The following ZNF547 variants were observed in gnomAD, a reference collection of about 807,000 sequenced individuals.
The protein encoded by ZNF547 is zinc finger protein 547.
In ZNF547, 4 loss-of-function variants were observed where a neutral mutation model predicts 7.7. That is an observed-to-expected ratio of 0.52 (90% CI 0.26 to 1.20). The LOEUF (loss-of-function observed/expected upper bound fraction) is 1.20, where lower values mean the gene tolerates loss of function less well. Among genes scored for constraint, ZNF547 ranks in the 50% most tolerant of loss-of-function variants. The pLI, the probability that ZNF547 is intolerant of heterozygous loss-of-function variation, is 0.14. For missense variants in ZNF547, 449 were observed against 485.8 expected (o/e 0.92, Z 0.71); for synonymous variants, 166 against 166.2 (o/e 1.00, Z 0.01).
rs781280345 is a variant in ZNF547, at chr19:57,377,898, A to G, written c.922A>G (p.Arg308Gly). 5.6e-6 allele frequency: 9 copies of G among 1,614,154 alleles called. No individual in the cohort carries two copies. Among genetic ancestry groups the G allele is most frequent in the Admixed American group, 1.7e-5 (1 of 60,022 alleles). The change falls in exon 4 of 4, where the codon AGG becomes GGG. Residue 308 changes from arginine (R) to glycine (G), a missense_variant. Coordinates refer to ENST00000282282, the MANE Select transcript of ZNF547 (RefSeq NM_173631.4). ...TGAATGTGGGAAATTCTTTATGGAA[A>G]GGTCTACACTCAGTAGACATCAGAG... ...CSECGKFFME[R>G]STLSRHQRVH...
At chr19:57,365,659 C>T (rs543934699) in intron 1 of ZNF547, among the ~76,000 whole-genome samples, 3 of 151,840 alleles carry the variant, frequency 2.0e-5, no homozygotes, top group African/African-American at 7.2e-5. Context: ...GCTCCCACCA[C>T]CATGCCTGCC....
rs764563915 is a variant in ZNF547 at position 57,366,415 on chromosome 19, G to A, written c.-12-2129G>A. ...AGTAGAGACAGGGTTTCGCCATTTT[G>A]GCCAGGCTGGTCTTGAACTCCTGAC... On this transcript the variant is annotated intron_variant, in intron 1 of 3. Transcript: ENST00000282282. 2.1e-4 allele frequency among the ~76,000 whole-genome samples: 31 copies of A among 151,062 alleles called. No individual in the cohort carries two copies. In the East Asian group the frequency reaches 3.7e-3, roughly 18 times the overall value.
In ZNF547 at chr19:57,378,939, T is replaced by TA. The variant is rs1455359630; in HGVS notation, c.*755dup. 1.6e-5 allele frequency: 3 copies of TA among 183,680 alleles called. No individual in the cohort carries two copies. Among genetic ancestry groups the TA allele is most frequent in the Non-Finnish European group, 3.5e-5 (3 of 85,796 alleles). 11.4% of individuals were successfully genotyped at this position (183,680 alleles called of 1,614,324 possible). A position where few individuals can be genotyped will look rare whatever the true frequency, so the allele number is the denominator to read the frequency against. ...TTGGTACTTCTCAGAAGAAGAATCTTAGAGTGTTTTTCATTATTTTTTTTC... is the reference window on the plus strand; with the variant it reads ...TTGGTACTTCTCAGAAGAAGAATCTTAAGAGTGTTTTTCATTATTTTTTTTC... On this transcript the variant is annotated 3_prime_UTR_variant, in exon 4 of 4. Transcript: ENST00000282282.
rs570495299 is a variant in ZNF547, at chr19:57,370,335, A to G, written c.25-1447A>G. ...TGACAGTGAAGTGAGAAACAGGGCC[A>G]TGTAGGGAACCTTCAACCCAGGGCT... On this transcript the variant is annotated intron_variant, in intron 2 of 3. Transcript: ENST00000282282. 2.0e-4 allele frequency among the ~76,000 whole-genome samples: 31 copies of G among 152,324 alleles called. No individual in the cohort carries two copies. The East Asian group carries it at 3.3e-3, about 16-fold the overall frequency.
At position 57,372,514 on chromosome 19, in the gene ZNF547, T is replaced by G. The variant is rs554647274; in HGVS notation, c.151+606T>G. On this transcript the variant is annotated intron_variant, in intron 3 of 3. Transcript: ENST00000282282. ...GTGGATATTACTCCCTGAAGGGCTG[T>G]AGAGACTCAGAGGGACATGATCCTG... Among the ~76,000 whole-genome samples, 5 of 152,286 alleles carry G rather than the reference T, an allele frequency of 3.3e-5. No individual in the cohort carries two copies. In the East Asian group the frequency reaches 9.6e-4, roughly 29 times the overall value.
At chr19:57,376,853 C>T (rs942065025) in intron 3 of ZNF547, among the ~76,000 whole-genome samples, 2 of 152,266 alleles carry the variant, frequency 1.3e-5, no homozygotes, top group South Asian at 4.1e-4. Flanking sequence ...CTAGGCAAAA[C>T]TCTTGGTGGG....
At chr19:57,367,426 G>GAA (rs750776299) in intron 1 of ZNF547, among the ~76,000 whole-genome samples, 8 of 65,692 alleles carry the variant, frequency 1.2e-4, no homozygotes, top group East Asian at 4.9e-4. Context: ...GTTTGTTCAA[G>GAA]AAAAAAAAAA....
chr19:57,366,396 G>A (rs2088469942), intron 1 of ZNF547, among the ~76,000 whole-genome samples: 1 of 151,232 alleles, frequency 6.6e-6, no homozygotes, highest in African/African-American at 2.4e-5. Flanking sequence ...TTTTAGTAGA[G>A]ACAGGGTTTC....
At chr19:57,365,429 A>T in intron 1 of ZNF547, 1 of 582,712 alleles carries the variant, frequency 1.7e-6, no homozygotes, top group South Asian at 2.5e-5. Context: ...CTCATGTCAC[A>T]TATCAGTAGA....
chr19:57,364,712 G>A, intron 1 of ZNF547: 1 of 850,426 alleles, frequency 1.2e-6, no homozygotes, highest in Non-Finnish European at 1.8e-6. Flanking sequence ...TTGCACTCCA[G>A]CCTGGGCGAC....
In ZNF547 at chr19:57,378,839, A is replaced by C; in HGVS notation, c.*654A>C. On this transcript the variant is annotated 3_prime_UTR_variant, in exon 4 of 4. Transcript: ENST00000282282. ...AATGAAACTCTATAACCACCATTAA[A>C]AAAACAACTCATTCCCACATTCTTC... 6 of 387,648 alleles carry C rather than the reference A, an allele frequency of 1.5e-5. No homozygotes were observed. The highest frequency in any genetic ancestry group is 1.2e-4 in the South Asian group (6 of 52,090). The allele number at this position is 387,648 out of a possible 1,614,324, so 24.0% of individuals were successfully genotyped here.
chr19:57,365,075 T>G, intron 1 of ZNF547: 1 of 1,610,294 alleles, frequency 6.2e-7, no homozygotes, highest in Non-Finnish European at 8.5e-7. Context: ...GCGGGGCATA[T>G]GAGGTTTATT....
At chr19:57,367,090 A>T (rs1382190037) in intron 1 of ZNF547, among the ~76,000 whole-genome samples, 2 of 152,160 alleles carry the variant, frequency 1.3e-5, no homozygotes, top group Non-Finnish European at 2.9e-5. Flanking sequence ...TCAACTGTTG[A>T]TGCCTGTACT....
At chr19:57,364,833 C>T in intron 1 of ZNF547, 1 of 1,603,424 alleles carries the variant, frequency 6.2e-7, no homozygotes, top group Non-Finnish European at 8.5e-7. Flanking sequence ...TATTGAAGAC[C>T]ATGTCTGGAA....
rs762236949 is a variant in ZNF547 at position 57,378,100 on chromosome 19, C to A, written c.1124C>A (p.Thr375Asn). 5.0e-6 allele frequency: 8 copies of A among 1,613,632 alleles called. No individual in the cohort carries two copies. The highest frequency in any genetic ancestry group is 1.1e-5 in the South Asian group (1 of 91,058). The change falls in exon 4 of 4, where the codon ACT (threonine) becomes AAT (asparagine). Residue 375 changes from threonine to asparagine, a missense_variant. By Grantham distance (65) the Thr-to-Asn change is moderately conservative (BLOSUM62 0). Transcript: ENST00000282282. ...CTCATTTGTCATCAGACAGTTCACACTGCAGCAAAGCAGTGCAGTGAATGT... is the reference window on the plus strand; with the variant it reads ...CTCATTTGTCATCAGACAGTTCACAATGCAGCAAAGCAGTGCAGTGAATGT... ...SHLICHQTVH[T>N]AAKQCSECGK...
At position 57,363,584 on chromosome 19, in the gene ZNF547, GAC is replaced by G. The variant is rs1413610004; in HGVS notation, c.-130_-129del. 3 of 152,870 alleles carry G rather than the reference GAC, an allele frequency of 2.0e-5. No homozygotes were observed. The highest frequency in any genetic ancestry group is 2.0e-4 in the Admixed American group (3 of 15,294). The allele number at this position is 152,870 out of a possible 1,614,324, so 9.5% of individuals were successfully genotyped here. A position where few individuals can be genotyped will look rare whatever the true frequency, so the allele number is the denominator to read the frequency against. ...AGGCGGTAGTGACACAGGCACAACTGACAGTGGCAGAAGCTCAGCTGACAAGG... is the reference window on the plus strand; with the variant it reads ...AGGCGGTAGTGACACAGGCACAACTGAGTGGCAGAAGCTCAGCTGACAAGG... On this transcript the variant is annotated 5_prime_UTR_variant, in exon 1 of 4. Coordinates refer to ENST00000282282, the MANE Select transcript of ZNF547 (RefSeq NM_173631.4).
Position 57,379,388 on chromosome 19 carries a change from A to T in ZNF547, c.*1203A>T, listed in dbSNP as rs2088559970. 1 of 152,262 alleles carries T rather than the reference A, an allele frequency of 6.6e-6. No homozygotes were observed. Among genetic ancestry groups the T allele is most frequent in the Non-Finnish European group, 1.5e-5 (1 of 68,060 alleles). The allele number at this position is 152,262 out of a possible 1,614,324, so 9.4% of individuals were successfully genotyped here. A position where few individuals can be genotyped will look rare whatever the true frequency, so the allele number is the denominator to read the frequency against. On this transcript the variant is annotated 3_prime_UTR_variant, in exon 4 of 4. Coordinates refer to ENST00000282282, the MANE Select transcript of ZNF547 (RefSeq NM_173631.4). ...TTTTGTTGTTGCTGATGTAGGGACT[A>T]CATTTTGAGAACTGTCCTATCCCAT...
At position 57,377,451 on chromosome 19, in the gene ZNF547, A is replaced by AGTGAAT; in HGVS notation, c.479_484dup (p.Glu160_Cys161dup). 22 of 1,614,256 alleles carry AGTGAAT rather than the reference A, an allele frequency of 1.4e-5. No homozygotes were observed. The highest frequency in any genetic ancestry group is 1.9e-5 in the Non-Finnish European group (22 of 1,180,048). On this transcript the variant is annotated inframe_insertion, in exon 4 of 4. Coordinates refer to ENST00000282282, the MANE Select transcript of ZNF547 (RefSeq NM_173631.4). ...CATGGCAGGGAAGACCTTCTTGTGC[A>AGTGAAT]GTGAATGTGGGAAAGCCTTTAGCCA... is the stretch of plus-strand genomic sequence containing the variant.
intron 1 of ZNF547, among the ~76,000 whole-genome samples, chr19:57,366,153 G>A (rs1387762037): frequency 1.3e-5 from 2 of 151,474 alleles, no homozygotes; most frequent in Non-Finnish European, 1.5e-5. Context: ...GTGAGCCACT[G>A]CGCCTGGCCA....
Sources: gnomAD v4.1 joint callset for allele counts (sites outside exome capture counted in the v4.1 genomes callset) on GRCh38, gnomAD v4.1.1 for gene constraint, MANE v1.5 for transcripts, NCBI Gene and HGNC (gene_info 2026-07-23, HGNC 2026-07-21) for gene names.